Variants in DNTT observed in about 807,000 individuals in gnomAD.
DNTT encodes DNA nucleotidylexotransferase, also known as nucleosidetriphosphate:DNA deoxynucleotidylexotransferase.
In DNTT, 47 loss-of-function variants were observed where a neutral mutation model predicts 60.9. The ratio of observed to expected loss-of-function variants is 0.77; its 90% confidence interval spans 0.61 to 0.98. The LOEUF (loss-of-function observed/expected upper bound fraction) is 0.98, where lower values mean the gene tolerates loss of function less well. Ranked by LOEUF, DNTT falls within the 50% of genes least tolerant of loss-of-function variation. The pLI is 0.00. For synonymous variants in DNTT, 224 were observed against 221.2 expected, an observed-to-expected ratio of 1.01 and a Z score of -0.11; for missense variants, 665 against 627.5, an observed-to-expected ratio of 1.06 and a Z score of -0.64.
At chr10:96,312,469 T>C (rs1310743187) in intron 1 of DNTT, among the ~76,000 whole-genome samples, 6 of 152,080 alleles carry the variant, frequency 3.9e-5, no homozygotes, top group Admixed American at 2.6e-4. Flanking sequence ...ATAAAGTTGC[T>C]TGGGTCCCCA....
At chr10:96,322,129 CAGCAA>C (rs1844887915) in intron 4 of DNTT, among the ~76,000 whole-genome samples, 2 of 152,218 alleles carry the variant, frequency 1.3e-5, no homozygotes, top group South Asian at 4.2e-4. Flanking sequence ...AGGGATTCCC[CAGCAA>C]AGCAAGTTGG....
At chr10:96,319,138 A>G in intron 2 of DNTT, 124 bp from the exon 3 acceptor site, 2 of 1,086,236 alleles carry the variant, frequency 1.8e-6, no homozygotes, top group South Asian at 2.0e-5. Flanking sequence ...TGTATATAAC[A>G]TAAATTTTGA....
At chr10:96,307,031 T>A (rs1844646734) in intron 1 of DNTT, among the ~76,000 whole-genome samples, 1 of 152,204 alleles carries the variant, frequency 6.6e-6, no homozygotes, top group African/African-American at 2.4e-5. Flanking sequence ...CCCGACTGAT[T>A]TTAATATCCT....
chr10:96,309,264 T>C (rs1236247363), intron 1 of DNTT, among the ~76,000 whole-genome samples: 1 of 152,210 alleles, frequency 6.6e-6, no homozygotes, highest in Non-Finnish European at 1.5e-5. Flanking sequence ...TGCAGCATCA[T>C]GTCATCACCA....
intron 6 of DNTT, 102 bp from the exon 7 acceptor site, chr10:96,327,366 G>C (rs1456030778): frequency 1.9e-6 from 3 of 1,546,340 alleles, no homozygotes; most frequent in Non-Finnish European, 2.7e-6. Flanking sequence ...GATGCCTGTA[G>C]TCATGTTAGC....
At chr10:96,322,769 G>A in intron 5 of DNTT, 41 bp downstream of exon 5, 1 of 1,487,428 alleles carries the variant, frequency 6.7e-7, no homozygotes, top group Non-Finnish European at 9.2e-7. Context: ...TTGTTTTTCA[G>A]TTAATCTTAT....
At chr10:96,314,280 A>G (rs947133198) in intron 1 of DNTT, among the ~76,000 whole-genome samples, 2 of 152,002 alleles carry the variant, frequency 1.3e-5, no homozygotes, top group Non-Finnish European at 2.9e-5. Flanking sequence ...TCCAAAGAAC[A>G]CAAAGTCATG....
chr10:96,336,013 A>C, intron 10 of DNTT, 39 bp downstream of exon 10: 2 of 1,605,306 alleles, frequency 1.2e-6, no homozygotes, highest in Non-Finnish European at 1.7e-6. Context: ...TTTGATCCTC[A>C]TCCCCAAGGC....
intron 10 of DNTT, among the ~76,000 whole-genome samples, chr10:96,336,888 A>C (rs1725978711): frequency 6.8e-6 from 1 of 148,020 alleles, no homozygotes; most frequent in African/African-American, 2.5e-5. Flanking sequence ...CAGTGAGCCG[A>C]GATCACACCA....
chr10:96,328,764 C>A lies in DNTT; in HGVS notation c.1047C>A (p.Thr349=), dbSNP rs202209727. 3.7e-6 allele frequency: 6 copies of A among 1,613,362 alleles called. No homozygotes were observed. The highest frequency in any genetic ancestry group is 3.3e-5 in the Admixed American group (2 of 59,964). The change falls in exon 8 of 11, where the codon ACC becomes ACA. Residue 349 remains threonine, a synonymous_variant. Transcript: ENST00000371174. ...GGCATGATGTAGATTTTTTAATTAC[C>A]AGCCCAGGATCAACAGAGGATGAAG... ...KMGHDVDFLI[T]SPGSTEDEEQ...
intron 6 of DNTT, among the ~76,000 whole-genome samples, 164 bp downstream of exon 6, chr10:96,324,553 TGATCTTGA>T (rs1844918722): frequency 6.6e-6 from 1 of 152,238 alleles, no homozygotes; most frequent in South Asian, 2.1e-4. Flanking sequence ...TCCAGCTGTG[TGATCTTGA>T]GCAAGTTGGT....
chr10:96,328,642 A>T, intron 7 of DNTT, 83 bp from the exon 8 acceptor site: 1 of 1,357,844 alleles, frequency 7.4e-7, no homozygotes, highest in Non-Finnish European at 1.0e-6. Flanking sequence ...TCTTAAGCAT[A>T]GGGCATAGAA....
intron 1 of DNTT, among the ~76,000 whole-genome samples, chr10:96,307,691 G>GTA: frequency 5.1e-5 from 1 of 19,750 alleles, no homozygotes; most frequent in Non-Finnish European, 1.4e-4. Context: ...ATATATGTAT[G>GTA]TGTGTGTGTG....
intron 9 of DNTT, among the ~76,000 whole-genome samples, 170 bp from the exon 10 acceptor site, chr10:96,335,721 T>C (rs942924673): frequency 6.6e-6 from 1 of 152,210 alleles, no homozygotes; most frequent in African/African-American, 2.4e-5. Context: ...TACATTCTAG[T>C]GTGTTCATGG....
At chr10:96,322,483 T>A (rs1293517229) in intron 4 of DNTT, among the ~76,000 whole-genome samples, 174 bp from the exon 5 acceptor site, 1 of 152,202 alleles carries the variant, frequency 6.6e-6, no homozygotes, top group African/African-American at 2.4e-5. Context: ...GAGCTAGCAT[T>A]TTCAAGATTG....
intron 10 of DNTT, among the ~76,000 whole-genome samples, chr10:96,336,652 A>C (rs929844184): frequency 2.0e-5 from 3 of 152,164 alleles, no homozygotes; most frequent in Admixed American, 2.0e-4. Flanking sequence ...AAATAACTAG[A>C]AGTAATGGTA....
At position 96,322,728 on chromosome 10, in the gene DNTT, A is replaced by G; in HGVS notation, c.750A>G (p.Lys250=). 6.3e-7 allele frequency: 1 copy of G among 1,588,264 alleles called. No individual in the cohort carries two copies. Among genetic ancestry groups the G allele is most frequent in the Non-Finnish European group, 8.6e-7 (1 of 1,162,832 alleles). The part of the protein sequence containing the change: ...VLNDERYQSF[K]LFTSVFGVGL... ...ATGATGAACGATATCAATCCTTCAA[A>G]GTAAGTGATTTTACATATATTTATT... The change falls in exon 5 of 11, where the codon AAA becomes AAG. Residue 250 remains lysine (K), a splice_region_variant and synonymous_variant. Transcript: ENST00000371174.
intron 4 of DNTT, 145 bp downstream of exon 4, chr10:96,320,933 CCTCTGT>C (rs1197573208): frequency 1.2e-4 from 81 of 689,834 alleles, no homozygotes; most frequent in South Asian, 3.0e-4. Flanking sequence ...CTCTCTCTCT[CCTCTGT>C]CTCTCTCTCT....
chr10:96,305,027 A>C (rs1844617838), intron 1 of DNTT, among the ~76,000 whole-genome samples: 1 of 152,190 alleles, frequency 6.6e-6, no homozygotes, highest in Admixed American at 6.5e-5. Flanking sequence ...TCTATTCTTG[A>C]CCAATTTGAA....
Sources: gnomAD v4.1 joint callset for allele counts (sites outside exome capture counted in the v4.1 genomes callset) on GRCh38, gnomAD v4.1.1 for gene constraint, MANE v1.5 for transcripts, NCBI Gene and HGNC (gene_info 2026-07-23, HGNC 2026-07-21) for gene names.